The following ITGAD variants were observed in gnomAD, a reference collection of about 807,000 sequenced individuals.
ITGAD encodes the protein integrin alpha-D.
In ITGAD, 105 loss-of-function variants were observed where a neutral mutation model predicts 139.0. That is an observed-to-expected ratio of 0.76 (90% CI 0.65 to 0.89). The LOEUF (loss-of-function observed/expected upper bound fraction) is 0.89. Among genes scored for constraint, ITGAD ranks in the 40% least tolerant of loss-of-function variants. ITGAD has a pLI of 0.00. For missense variants in ITGAD, 1,384 were observed against 1,487.3 expected (o/e 0.93, Z 1.14); for synonymous variants, 569 against 598.3 (o/e 0.95, Z 0.71).
At chr16:31,409,901 C>T (rs1433276273) in intron 10 of ITGAD, among the ~76,000 whole-genome samples, 3 of 110,798 alleles carry the variant, frequency 2.7e-5, no homozygotes, top group Non-Finnish European at 5.2e-5. Flanking sequence ...GACAGAGCAA[C>T]AGCCTGTCTC....
chr16:31,421,898 G>C (rs1331117547), intron 23 of ITGAD, among the ~76,000 whole-genome samples: 1 of 152,120 alleles, frequency 6.6e-6, no homozygotes, highest in South Asian at 2.1e-4. Flanking sequence ...TGCTGCATGC[G>C]AGGTGCAGGC....
chr16:31,426,391 A>G lies in ITGAD; in HGVS notation c.*263A>G. 5 of 399,366 alleles carry G rather than the reference A, an allele frequency of 1.3e-5. No homozygotes were observed. The highest frequency in any genetic ancestry group is 2.7e-5 in the South Asian group (1 of 36,568). The allele number at this position is 399,366 out of a possible 1,614,324, so 24.7% of individuals were successfully genotyped here. ...TTAAGAATTGTCACATGAAATGAGG[A>G]TGTTTATAGCACACTTTCCTTGCGT... On this transcript the variant is annotated 3_prime_UTR_variant, in exon 30 of 30. Coordinates refer to ENST00000389202, the MANE Select transcript of ITGAD (RefSeq NM_005353.3).
At chr16:31,395,510 G>T (rs1247559950) in intron 2 of ITGAD, among the ~76,000 whole-genome samples, 1 of 152,134 alleles carries the variant, frequency 6.6e-6, no homozygotes, top group Non-Finnish European at 1.5e-5. Flanking sequence ...AGTTAGGGGC[G>T]CTCACTCTGG....
At position 31,423,830 on chromosome 16, in the gene ITGAD, C is replaced by A; in HGVS notation, c.3046-15C>A. Reference sequence around the variant, plus strand: ...AGGGAAGAACCCCTCAGTTTCACCCCTCTTCTGCCCCCAGGACTGCTCCAT... The same window carrying A: ...AGGGAAGAACCCCTCAGTTTCACCCATCTTCTGCCCCCAGGACTGCTCCAT... On this transcript the variant is annotated splice_polypyrimidine_tract_variant and intron_variant, in intron 26 of 29. Transcript: ENST00000389202. 1 of 1,613,682 alleles carries A rather than the reference C, an allele frequency of 6.2e-7. No individual in the cohort carries two copies. Among genetic ancestry groups the A allele is most frequent in the Non-Finnish European group, 8.5e-7 (1 of 1,179,600 alleles).
intron 1 of ITGAD, 54 bp downstream of exon 1, chr16:31,393,445 C>T (rs2081186195): frequency 4.4e-6 from 7 of 1,597,192 alleles, no homozygotes; most frequent in Non-Finnish European, 8.6e-7. Flanking sequence ...GAGGGGACTC[C>T]ATCTGGGAGG....
rs765127778 is a variant in ITGAD at position 31,424,456 on chromosome 16, C to A, written c.3262-11C>A. Reference sequence around the variant, plus strand: ...GGCATGAGGCCGGATGCTCTCTGATCTCTAAATCAGATGGAGATGGTGCTA... The same window carrying A: ...GGCATGAGGCCGGATGCTCTCTGATATCTAAATCAGATGGAGATGGTGCTA... On this transcript the variant is annotated splice_polypyrimidine_tract_variant and intron_variant, in intron 28 of 29. Transcript: ENST00000389202. 1 of 1,599,132 alleles carries A rather than the reference C, an allele frequency of 6.3e-7. No homozygotes were observed. Among genetic ancestry groups the A allele is most frequent in the African/African-American group, 1.3e-5 (1 of 74,666 alleles).
At position 31,424,511 on chromosome 16, in the gene ITGAD, C is replaced by T. The variant is rs1348386772; in HGVS notation, c.3306C>T (p.Pro1102=). The T allele has an allele frequency of 6.2e-7, 1 of 1,613,948 alleles. No homozygotes were observed. The highest frequency in any genetic ancestry group is 1.1e-5 in the South Asian group (1 of 91,068). The change falls in exon 29 of 30, where the codon CCC becomes CCT. Residue 1102 remains proline (P), a synonymous_variant. Coordinates refer to ENST00000389202, the MANE Select transcript of ITGAD (RefSeq NM_005353.3). The stretch of plus-strand genomic sequence containing the variant: ...AAGACGAGGTCTACAATGCCATTCC[C>T]ATCATCATGGGCAGCTCTGTGGGGG... ...LEEDEVYNAI[P]IIMGSSVGAL...
intron 16 of ITGAD, among the ~76,000 whole-genome samples, chr16:31,414,194 GTCTA>G (rs1314138344): frequency 1.3e-5 from 2 of 150,304 alleles, no homozygotes; most frequent in Non-Finnish European, 3.0e-5. Context: ...TCTATCATCT[GTCTA>G]TCTAATCTGT....
intron 10 of ITGAD, 89 bp from the exon 11 acceptor site, chr16:31,410,306 G>A (rs558331418): frequency 6.4e-7 from 1 of 1,565,696 alleles, no homozygotes; most frequent in Admixed American, 1.7e-5. Context: ...AAGCCTGGAT[G>A]GCGAGTGATG....
intron 7 of ITGAD, among the ~76,000 whole-genome samples, chr16:31,406,910 G>C (rs2081554276): frequency 6.6e-6 from 1 of 152,210 alleles, no homozygotes; most frequent in Admixed American, 6.5e-5. Flanking sequence ...GAGAGGTTAA[G>C]TCCCATGCCC....
Position 31,416,642 on chromosome 16 carries a change from C to A in ITGAD, c.2495C>A (p.Ala832Asp). 6.2e-7 allele frequency: 1 copy of A among 1,607,176 alleles called. No individual in the cohort carries two copies. The highest frequency in any genetic ancestry group is 8.5e-7 in the Non-Finnish European group (1 of 1,174,752). The stretch of plus-strand genomic sequence containing the variant: ...CTGTCGCACCGACGGGTGTCAGGAG[C>A]CCAGGTAACAACTGCTGTAGGCTCT... ...AGLSHRRVSG[A>D]QKQPHQSALR... The change falls in exon 20 of 30, where the codon GCC becomes GAC. Residue 832 changes from alanine (A) to aspartate (D), a missense_variant. Transcript: ENST00000389202.
At position 31,426,022 on chromosome 16, in the gene ITGAD, TC is replaced by T; in HGVS notation, c.3381del (p.Phe1128SerfsTer64). The T allele has an allele frequency of 6.2e-7, 1 of 1,612,536 alleles. No homozygotes were observed. The highest frequency in any genetic ancestry group is 1.7e-4 in the Middle Eastern group (1 of 6,056). ...LITATLYKLG[F>X]FKRHYKEMLE... ...ATTTATTTCCCCTGATAGCTTGGCT[TC>T]TTCAAACGCCACTACAAGGAAATGC... is the stretch of plus-strand genomic sequence containing the variant. On this transcript the variant is annotated frameshift_variant, in exon 30 of 30. Transcript: ENST00000389202. LOFTEE classifies it low-confidence loss of function (END_TRUNC).
chr16:31,413,248 T>C lies in ITGAD; in HGVS notation c.1996+2T>C, dbSNP rs1301281185. On this transcript the variant is annotated splice_donor_variant, in intron 16 of 29. Transcript: ENST00000389202. LOFTEE classifies it high-confidence loss of function. ...AGAAAAGCTCACTGGACCAGCTAGG[T>C]GTGTTTCCCCCATAAAGGGGGCCCA... 3.1e-6 allele frequency: 5 copies of C among 1,613,738 alleles called. No individual in the cohort carries two copies. In the African/African-American group the frequency reaches 6.7e-5, roughly 22 times the overall value.
At chr16:31,400,508 T>G (rs567482866) in intron 5 of ITGAD, among the ~76,000 whole-genome samples, 4 of 152,326 alleles carry the variant, frequency 2.6e-5, no homozygotes, top group Admixed American at 2.6e-4. Flanking sequence ...ACACCCCCCA[T>G]GAGCCTGGGG....
rs577566056 is a variant in ITGAD at position 31,393,466 on chromosome 16, G to T, written c.31+75G>T. 1.9e-5 allele frequency: 30 copies of T among 1,546,336 alleles called. No individual in the cohort carries two copies. The South Asian group carries it at 3.2e-4, about 17-fold the overall frequency. The stretch of plus-strand genomic sequence containing the variant: ...ACTCCATCTGGGAGGGCAGGCTGGG[G>T]GCTGGTGGTCGGCTCCAACCACTCT... On this transcript the variant is annotated intron_variant, in intron 1 of 29. Transcript: ENST00000389202.
At position 31,397,836 on chromosome 16, in the gene ITGAD, A is replaced by G; in HGVS notation, c.354A>G (p.Ser118=). 2 of 1,613,736 alleles carry G rather than the reference A, an allele frequency of 1.2e-6. No individual in the cohort carries two copies. Among genetic ancestry groups the G allele is most frequent in the East Asian group, 2.2e-5 (1 of 44,868 alleles). Residue 118 remains serine (S), a synonymous_variant, in exon 5 of 30, where the codon TCA becomes TCG. Coordinates refer to ENST00000389202, the MANE Select transcript of ITGAD (RefSeq NM_005353.3). ...TGCACAGAGTCTGTGGGGAGAACTC[A>G]TACTCAAAGGGTTCCTGCCTCCTGC... ...PTLHRVCGEN[S]YSKGSCLLLG...
At chr16:31,411,886 G>T (rs762936759) in intron 14 of ITGAD, among the ~76,000 whole-genome samples, 34 of 152,172 alleles carry the variant, frequency 2.2e-4, no homozygotes, top group Non-Finnish European at 4.7e-4. Flanking sequence ...AGAGTGCTAA[G>T]GCAATCACCA....
intron 12 of ITGAD, 24 bp from the exon 13 acceptor site, chr16:31,411,052 C>T: frequency 6.2e-7 from 1 of 1,611,302 alleles, no homozygotes; most frequent in South Asian, 1.1e-5. Context: ...GGACAGGCAG[C>T]ATGACCCAGG....
At chr16:31,393,436 A>G in intron 1 of ITGAD, 45 bp downstream of exon 1, 2 of 1,605,362 alleles carry the variant, frequency 1.2e-6, no homozygotes, top group Non-Finnish European at 1.7e-6. Flanking sequence ...AGGAGTTCTG[A>G]GGGGACTCCA....
Sources: gnomAD v4.1 joint callset for allele counts (sites outside exome capture counted in the v4.1 genomes callset) on GRCh38, gnomAD v4.1.1 for gene constraint, MANE v1.5 for transcripts, NCBI Gene and HGNC (gene_info 2026-07-23, HGNC 2026-07-21) for gene names.